The following CCDC136 variants were observed in gnomAD, a reference collection of about 807,000 sequenced individuals.
CCDC136 encodes the protein coiled-coil domain-containing protein 136.
CCDC136 carries 100 observed loss-of-function variants against 141.2 expected under a neutral mutation model. The observed-to-expected ratio is 0.71, with a 90% confidence interval of 0.60 to 0.84. The LOEUF is 0.84. Among genes scored for constraint, CCDC136 ranks in the 40% least tolerant of loss-of-function variants. The probability of loss-of-function intolerance (pLI) is 0.00; values close to 1 mark genes in which losing one functional copy is unlikely to be tolerated. For synonymous variants in CCDC136, 474 were observed against 531.9 expected, an observed-to-expected ratio of 0.89 and a Z score of 1.50; for missense variants, 1,206 against 1,379.4, an observed-to-expected ratio of 0.87 and a Z score of 1.99.
In CCDC136 at chr7:128,806,300, C is replaced by A; in HGVS notation, c.1153C>A (p.Gln385Lys). ...QKKYDTSQDE[Q>K]NELLKMQLQL... Reference sequence around the variant, plus strand: ...AAAATATGATACTAGCCAGGATGAGCAGAACGAGCTCTTGAAGATGCAGCT... The same window carrying A: ...AAAATATGATACTAGCCAGGATGAGAAGAACGAGCTCTTGAAGATGCAGCT... Residue 385 changes from glutamine (Q) to lysine (K), a missense_variant, in exon 8 of 18, where the codon CAG becomes AAG. Coordinates refer to ENST00000297788, the MANE Select transcript of CCDC136 (RefSeq NM_022742.5). 1 of 1,587,994 alleles carries A rather than the reference C, an allele frequency of 6.3e-7. No homozygotes were observed. The highest frequency in any genetic ancestry group is 8.6e-7 in the Non-Finnish European group (1 of 1,167,030).
intron 3 of CCDC136, among the ~76,000 whole-genome samples, chr7:128,796,740 T>TATATATATATATA (rs61079649): frequency 4.2e-4 from 52 of 124,702 alleles, no homozygotes; most frequent in Non-Finnish European, 4.8e-4. Flanking sequence ...TATATATATA[T>TATATATATATATA]TCTTTTTTTT....
At position 128,792,009 on chromosome 7, in the gene CCDC136, C is replaced by G; in HGVS notation, c.-403C>G. On this transcript the variant is annotated 5_prime_UTR_variant, in exon 1 of 18. Coordinates refer to ENST00000297788, the MANE Select transcript of CCDC136 (RefSeq NM_022742.5). ...CCTCAGCCTTTCAGCCTCTTCTTCA[C>G]TGGCTCCCGCCCTCTTTCAGTCTTG... 8.4e-7 allele frequency: 1 copy of G among 1,193,694 alleles called. No individual in the cohort carries two copies. The highest frequency in any genetic ancestry group is 1.0e-6 in the Non-Finnish European group (1 of 960,660). The allele number at this position is 1,193,694 out of a possible 1,614,324, so 73.9% of individuals were successfully genotyped here.
At chr7:128,811,525 C>T (rs1805709366) in intron 12 of CCDC136, among the ~76,000 whole-genome samples, 1 of 152,180 alleles carries the variant, frequency 6.6e-6, no homozygotes, top group Non-Finnish European at 1.5e-5. Context: ...GGCACTGCTC[C>T]AAGGAGACAG....
chr7:128,792,730 G>T (rs1237736362), intron 1 of CCDC136, among the ~76,000 whole-genome samples: 2 of 152,174 alleles, frequency 1.3e-5, no homozygotes, highest in Non-Finnish European at 2.9e-5. Flanking sequence ...TTTCAGCAGG[G>T]GGTTTGTCCT....
rs1468720646 is a variant in CCDC136, at chr7:128,807,485, G to A, written c.1545G>A (p.Glu515=). 1.3e-6 allele frequency: 2 copies of A among 1,541,170 alleles called. No individual in the cohort carries two copies. Among genetic ancestry groups the A allele is most frequent in the Non-Finnish European group, 1.8e-6 (2 of 1,142,692 alleles). Residue 515 remains glutamate, a synonymous_variant, in exon 10 of 18, where the codon GAG becomes GAA. Coordinates refer to ENST00000297788, the MANE Select transcript of CCDC136 (RefSeq NM_022742.5). ...AGGACCTCCTGCTCTGCCAGCTGGA[G>A]CTGAAAGAGCTCAAGGCCTCCCACC... ...LEQDLLLCQL[E]LKELKASHPI...
chr7:128,806,730 A>C lies in CCDC136; in HGVS notation c.1291A>C (p.Asn431His), dbSNP rs556605437. The change falls in exon 9 of 18, where the codon AAC becomes CAC. Residue 431 changes from asparagine to histidine, a missense_variant. Asn to His is a moderately conservative substitution (Grantham distance 68). Transcript: ENST00000297788. ...GCAGAAGCTGCACCTCCAGCACCAG[A>C]ACGTCACATGTGAGAAGGAAAAGCT... ...RLQKLHLQHQ[N>H]VTCEKEKLLE... 24 of 1,611,554 alleles carry C rather than the reference A, an allele frequency of 1.5e-5. No individual in the cohort carries two copies. In the South Asian group the frequency reaches 2.2e-4, roughly 15 times the overall value.
rs1342499381 is a variant in CCDC136 at position 128,815,712 on chromosome 7, G to A, written c.3144G>A (p.Lys1048=). ...EKKEEMEEEK[K]QVKEEAKEQC... is the part of the protein sequence containing the mutation. ...AAGAGGAGATGGAGGAGGAAAAAAAGCAAGTGAAAGAGGAAGCAAAGGAGC... is the reference window on the plus strand; with the variant it reads ...AAGAGGAGATGGAGGAGGAAAAAAAACAAGTGAAAGAGGAAGCAAAGGAGC... Residue 1048 remains lysine, a synonymous_variant, in exon 16 of 18, where the codon AAG becomes AAA. Transcript: ENST00000297788. 10 of 1,556,280 alleles carry A rather than the reference G, an allele frequency of 6.4e-6. No homozygotes were observed. The African/African-American group carries it at 1.1e-4, about 17-fold the overall frequency.
At chr7:128,791,686 G>T, upstream of CCDC136, 1 of 546,796 alleles carries the variant, frequency 1.8e-6, no homozygotes, top group Non-Finnish European at 2.8e-6. This position sits in a 1 kb window ranked among gnomAD's most constrained non-coding sequence, Gnocchi z 7.1. Context: ...CCTCCATCCT[G>T]GCCTCCACCG....
intron 3 of CCDC136, among the ~76,000 whole-genome samples, chr7:128,798,249 G>A (rs184238026): frequency 8.7e-4 from 7 of 8,014 alleles, no homozygotes; most frequent in Admixed American, 2.5e-3. Flanking sequence ...TCTCTCCTCA[G>A]TAGAGTTTTT....
In CCDC136 at chr7:128,794,989, C is replaced by T. The variant is rs986296909; in HGVS notation, c.346+221C>T. 3.3e-5 allele frequency among the ~76,000 whole-genome samples: 5 copies of T among 152,272 alleles called. No individual in the cohort carries two copies. The East Asian group carries it at 9.6e-4, about 29-fold the overall frequency. On this transcript the variant is annotated intron_variant, in intron 3 of 17. Transcript: ENST00000297788. The surrounding 1 kb of genome is among the most constrained non-coding windows in gnomAD (Gnocchi z 4.3). ...TGCACATCTACCTGGCTCTTCTGTC[C>T]TCCCCTTCCATTTCTTGGCCTCCCT...
intron 4 of CCDC136, among the ~76,000 whole-genome samples, chr7:128,804,363 G>T (rs1289922171): frequency 1.3e-5 from 2 of 152,160 alleles, no homozygotes. Context: ...TTCAAAAATT[G>T]CTAAAAGTTC....
rs1205705388 is a variant in CCDC136 at position 128,811,841 on chromosome 7, G to A, written c.2070G>A (p.Val690=). Reference sequence around the variant, plus strand: ...TGGAGCAGATGCAGGCCCTGCAGGTGATGTATGACGCCGGTCAGGCGAAGC... The same window carrying A: ...TGGAGCAGATGCAGGCCCTGCAGGTAATGTATGACGCCGGTCAGGCGAAGC... ...LLMEQMQALQ[V]MYDAGQAKQE... The change falls in exon 13 of 18, where the codon GTG becomes GTA. Residue 690 remains valine, a synonymous_variant. Transcript: ENST00000297788. The A allele has an allele frequency of 3.1e-6, 5 of 1,606,250 alleles. No homozygotes were observed. Among genetic ancestry groups the A allele is most frequent in the Non-Finnish European group, 4.2e-6 (5 of 1,176,904 alleles).
upstream of CCDC136, chr7:128,791,516 G>A: frequency 8.5e-6 from 11 of 1,295,088 alleles, no homozygotes; most frequent in South Asian, 2.5e-5. The surrounding 1 kb of genome is among the most constrained non-coding windows in gnomAD (Gnocchi z 7.1). Context: ...GCCGGAGCCG[G>A]CGCGGGAGCC....
intron 17 of CCDC136, among the ~76,000 whole-genome samples, chr7:128,820,229 G>C (rs772158748): frequency 2.0e-5 from 3 of 152,074 alleles, no homozygotes; most frequent in Non-Finnish European, 4.4e-5. Flanking sequence ...TCAGCTCATT[G>C]GTCACTTACC....
rs143584808 is a variant in CCDC136 at position 128,795,879 on chromosome 7, C to T, written c.346+1111C>T. On this transcript the variant is annotated intron_variant, in intron 3 of 17. Coordinates refer to ENST00000297788, the MANE Select transcript of CCDC136 (RefSeq NM_022742.5). ...TGCCCTAATGAAGAGTACATTCTAACGGAGAGAGGCAGAAAATAAACAACA... is the reference window on the plus strand; with the variant it reads ...TGCCCTAATGAAGAGTACATTCTAATGGAGAGAGGCAGAAAATAAACAACA... Among the ~76,000 whole-genome samples, 272 of 152,238 alleles carry T rather than the reference C, an allele frequency of 1.8e-3. 2 individuals are homozygous for T. Among genetic ancestry groups the T allele is most frequent in the African/African-American group, 6.3e-3 (261 of 41,530 alleles).
At chr7:128,801,651 C>T (rs1250199710) in intron 4 of CCDC136, 142 bp downstream of exon 4, 6 of 640,998 alleles carry the variant, frequency 9.4e-6, no homozygotes, top group Non-Finnish European at 1.6e-5. Flanking sequence ...CTGTAGGGGT[C>T]CAGGCGTGAT....
rs1455737193 is a variant in CCDC136, at chr7:128,794,722, C to T, written c.300C>T (p.Ser100=). ...QGLLEDERLA[S]AQQAEVFTKQ... ...TCCTGGAGGATGAACGGCTAGCCAG[C>T]GCCCAGCAGGCAGAGGTGTTCACCA... The change falls in exon 3 of 18, where the codon AGC becomes AGT. Residue 100 remains serine (S), a synonymous_variant. Coordinates refer to ENST00000297788, the MANE Select transcript of CCDC136 (RefSeq NM_022742.5). The surrounding 1 kb of genome is among the most constrained non-coding windows in gnomAD (Gnocchi z 4.3). 1.5e-5 allele frequency: 24 copies of T among 1,551,554 alleles called. No individual in the cohort carries two copies. Among genetic ancestry groups the T allele is most frequent in the East Asian group, 4.9e-5 (2 of 40,922 alleles).
chr7:128,806,758 TGGAACGGCAGCAGCAGCTGCA>T lies in CCDC136; in HGVS notation c.1323_1343del (p.Arg442_Glu448del), dbSNP rs1210128896. 3.7e-6 allele frequency: 6 copies of T among 1,612,248 alleles called. No homozygotes were observed. The highest frequency in any genetic ancestry group is 4.5e-5 in the East Asian group (2 of 44,884). On this transcript the variant is annotated inframe_deletion, in exon 9 of 18. Coordinates refer to ENST00000297788, the MANE Select transcript of CCDC136 (RefSeq NM_022742.5). ...GTCACATGTGAGAAGGAAAAGCTGCTGGAACGGCAGCAGCAGCTGCAGGAGGAGCTGCAGTGCCATGAGGCA... is the reference window on the plus strand; with the variant it reads ...GTCACATGTGAGAAGGAAAAGCTGCTGGAGGAGCTGCAGTGCCATGAGGCA...
intron 17 of CCDC136, among the ~76,000 whole-genome samples, chr7:128,820,932 T>C (rs1807360946): frequency 6.6e-6 from 1 of 152,234 alleles, no homozygotes; most frequent in South Asian, 2.1e-4. Context: ...TATTCCATTT[T>C]TACTTGAAAC....
Sources: gnomAD v4.1 joint callset for allele counts (sites outside exome capture counted in the v4.1 genomes callset) on GRCh38, gnomAD v4.1.1 for gene constraint, Gnocchi (gnomAD v3.1) non-coding constraint, MANE v1.5 for transcripts, NCBI Gene and HGNC (gene_info 2026-07-23, HGNC 2026-07-21) for gene names.